Variants in MAGEB16 observed in about 807,000 individuals in gnomAD.
The protein encoded by MAGEB16 is melanoma-associated antigen B16.
For synonymous variants in MAGEB16, 95 were observed against 92.1 expected (o/e 1.03, Z -0.18); for missense variants, 217 against 234.0 (o/e 0.93, Z 0.47).
chrX:35,799,985 T>C (rs1397040185), intron 1 of MAGEB16, among the ~76,000 whole-genome samples: 2 of 110,985 alleles, frequency 1.8e-5, no homozygotes, highest in Non-Finnish European at 3.8e-5. Flanking sequence ...GCTTAAATGA[T>C]TCAAAGTAAG....
chrX:35,802,225 G>A, exon 2 of MAGEB16: 1 of 1,211,552 alleles, frequency 8.3e-7, no homozygotes, highest in Non-Finnish European at 1.1e-6. Context: ...AGTCCACGAT[G>A]CACACATGAT....
intron 1 of MAGEB16, among the ~76,000 whole-genome samples, chrX:35,801,746 C>G (rs1934863463): frequency 8.9e-6 from 1 of 112,980 alleles, no homozygotes; most frequent in South Asian, 3.7e-4. Flanking sequence ...AGGTACCTGA[C>G]ACTTCCTTTT....
chrX:35,803,614 G>A (rs865916362), exon 2 of MAGEB16: 2 of 126,265 alleles, frequency 1.6e-5, no homozygotes, highest in Non-Finnish European at 3.6e-5. Context: ...TTAAATATCC[G>A]TTTAATGTTT....
Position 35,802,128 on chromosome X carries a change from T to C in MAGEB16, c.-66-3T>C. On this transcript the variant is annotated splice_region_variant and splice_polypyrimidine_tract_variant and intron_variant, in intron 1 of 1. Transcript: ENST00000399988. ...ACATTTACACCCTTTCTCTCTCCCT[T>C]AGGCAGTGATTCTTCATTGCCTGCC... 8.5e-7 allele frequency: 1 copy of C among 1,174,513 alleles called. No homozygotes were observed. The highest frequency in any genetic ancestry group is 1.2e-6 in the Non-Finnish European group (1 of 866,283).
rs1396058387 is a variant in MAGEB16, at chrX:35,803,247, AG to A, written c.*77del. On this transcript the variant is annotated 3_prime_UTR_variant, in exon 2 of 2. Coordinates refer to ENST00000399988, the Ensembl canonical transcript of MAGEB16. ...TGGTAGCTTCTCCCATACCTAGTGAAGACAAGGATAGATGTTTTATGTAACA... is the reference window on the plus strand; with the variant it reads ...TGGTAGCTTCTCCCATACCTAGTGAAACAAGGATAGATGTTTTATGTAACA... 10 of 984,953 alleles carry A rather than the reference AG, an allele frequency of 1.0e-5. No individual in the cohort carries two copies. The South Asian group carries it at 2.2e-4, about 22-fold the overall frequency. The allele number at this position is 984,953 out of a possible 1,213,427, so 81.2% of individuals were successfully genotyped here.
rs1250774908 is a variant in MAGEB16 at position 35,802,696 on chromosome X, G to A, written c.500G>A (p.Gly167Asp). ...TCTGAGCACCTAGAGATGATATTTGGCCTTGATGTGGTGGAGGTGGACCCC... is the reference window on the plus strand; with the variant it reads ...TCTGAGCACCTAGAGATGATATTTGACCTTGATGTGGTGGAGGTGGACCCC... Residue 167 changes from glycine to aspartate, a missense_variant, in exon 2 of 2, where the codon GGC (glycine) becomes GAC (aspartate). Physicochemically the swap from Gly to Asp is moderately conservative, Grantham distance 94 (BLOSUM62 -1). Transcript: ENST00000399988. 22 of 1,209,274 alleles carry A rather than the reference G, an allele frequency of 1.8e-5. No homozygotes were observed. Among genetic ancestry groups the A allele is most frequent in the Non-Finnish European group, 2.3e-5 (21 of 895,109 alleles).
At chrX:35,800,619 G>GACAGA (rs1186347997) in intron 1 of MAGEB16, 22 of 522,366 alleles carry the variant, frequency 4.2e-5, no homozygotes, top group Middle Eastern at 3.5e-4. Context: ...AGATAATGAG[G>GACAGA]ACAGAACGTA....
chrX:35,798,995 T>C, intron 1 of MAGEB16: 1 of 112,799 alleles, frequency 8.9e-6, no homozygotes, highest in Non-Finnish European at 1.9e-5. Context: ...CTCAGCTTCC[T>C]GAGTAGCTGG....
chrX:35,800,647 T>C lies in MAGEB16; in HGVS notation c.-66-1484T>C, dbSNP rs777904124. 7.7e-6 allele frequency: 4 copies of C among 517,550 alleles called. No homozygotes were observed. The African/African-American group carries it at 9.3e-5, about 12-fold the overall frequency. 42.7% of individuals were successfully genotyped at this position (517,550 alleles called of 1,213,427 possible). A position where few individuals can be genotyped will look rare whatever the true frequency, so the allele number is the denominator to read the frequency against. On this transcript the variant is annotated intron_variant, in intron 1 of 1. Coordinates refer to ENST00000399988, the Ensembl canonical transcript of MAGEB16. ...AGAACGTAGCCCTGCTTAGCCCTGC[T>C]GTCGGTTGTGGGAGGCTCTGGGCAG... is the stretch of plus-strand genomic sequence containing the variant.
chrX:35,802,204 A>G lies in MAGEB16; in HGVS notation c.8A>G (p.Gln3Arg), dbSNP rs199555648. ...CCACCCACAAGGGTCATCATGTCTC[A>G]GGATCAGGAGAGTCCACGATGCACA... The change falls in exon 2 of 2, where the codon CAG becomes CGG. Residue 3 changes from glutamine to arginine, a missense_variant. Coordinates refer to ENST00000399988, the Ensembl canonical transcript of MAGEB16. The G allele has an allele frequency of 1.7e-4, 202 of 1,209,243 alleles. No homozygotes were observed. The African/African-American group carries it at 2.8e-3, about 17-fold the overall frequency.
chrX:35,802,961 G>A, exon 2 of MAGEB16: 1 of 1,212,020 alleles, frequency 8.3e-7, no homozygotes, highest in Non-Finnish European at 1.1e-6. Context: ...AAGATTTTGT[G>A]AAGGAGAAGT....
intron 1 of MAGEB16, among the ~76,000 whole-genome samples, chrX:35,799,899 C>T (rs5973487): frequency 0.053 from 5,962 of 111,538 alleles, 401 homozygotes; most frequent in African/African-American, 0.18. Flanking sequence ...TTCATGTCAT[C>T]CTTTTTGGTT....
intron 1 of MAGEB16, among the ~76,000 whole-genome samples, chrX:35,799,265 C>T (rs16992119): frequency 0.014 from 1,554 of 110,322 alleles, 24 homozygotes; most frequent in African/African-American, 0.048. Context: ...TTTGGGTGTC[C>T]GTTCGTGAGG....
chrX:35,802,915 A>G, exon 2 of MAGEB16: 1 of 1,212,035 alleles, frequency 8.3e-7, no homozygotes, highest in Non-Finnish European at 1.1e-6. Flanking sequence ...GGGAAGAAGC[A>G]CTTCATCTTT....
intron 1 of MAGEB16, among the ~76,000 whole-genome samples, chrX:35,799,460 G>A (rs925186877): frequency 6.3e-5 from 7 of 111,500 alleles, no homozygotes; most frequent in African/African-American, 2.3e-4. Context: ...TCCCCTCCCT[G>A]GGAGACTCAC....
At chrX:35,802,110 C>T (rs1247087980) in intron 1 of MAGEB16, 21 bp from the exon 2 acceptor site, 34 of 1,133,155 alleles carry the variant, frequency 3.0e-5, no homozygotes, top group Non-Finnish European at 3.9e-5. Context: ...AGGACATTTA[C>T]ACCCTTTCTC....
intron 1 of MAGEB16, among the ~76,000 whole-genome samples, chrX:35,799,918 G>A (rs1013758356): frequency 2.7e-5 from 3 of 111,630 alleles, no homozygotes; most frequent in Admixed American, 9.5e-5. Context: ...TTTTGGGCAA[G>A]TGTAGGCCTT....
chrX:35,803,361 T>A (rs1053718254), exon 2 of MAGEB16: 8 of 362,863 alleles, frequency 2.2e-5, no homozygotes, highest in African/African-American at 1.8e-4. Context: ...CCCTATTTTG[T>A]ATGTGTAACT....
exon 1 of MAGEB16, chrX:35,798,380 C>T (rs1161310885): frequency 9.1e-6 from 1 of 110,158 alleles, no homozygotes; most frequent in Non-Finnish European, 1.9e-5. Flanking sequence ...CCCTAGTCAT[C>T]AGAGGAACGA....
Sources: gnomAD v4.1 joint callset for allele counts (sites outside exome capture counted in the v4.1 genomes callset) on GRCh38, gnomAD v4.1.1 for gene constraint, MANE v1.5 for transcripts, NCBI Gene and HGNC (gene_info 2026-07-23, HGNC 2026-07-21) for gene names.